PRPF31: variants seen among roughly 807,000 people sequenced by gnomAD.
PRPF31 encodes U4/U6 small nuclear ribonucleoprotein Prp31.
PRPF31 carries 12 observed loss-of-function variants against 60.4 expected under a neutral mutation model. The ratio of observed to expected loss-of-function variants is 0.20; its 90% CI spans 0.13 to 0.32. The LOEUF (loss-of-function observed/expected upper bound fraction) is 0.32. Ranked by LOEUF, PRPF31 falls within the 10% of genes least tolerant of loss-of-function variation. The pLI is 1.00. For synonymous variants in PRPF31, 287 were observed against 287.9 expected, an observed-to-expected ratio of 1.00 and a Z score of 0.03; for missense variants, 431 against 687.1, an observed-to-expected ratio of 0.63 and a Z score of 4.17.
chr19:54,118,287 G>C lies in PRPF31; in HGVS notation c.9G>C (p.Leu3=). Residue 3 remains leucine, a synonymous_variant, in exon 2 of 14, where the codon CTG becomes CTC. Coordinates refer to ENST00000321030, the MANE Select transcript of PRPF31 (RefSeq NM_015629.4). ...CCTCCCCAGGCCTCGGGATGTCTCTGGCAGATGAGCTCTTAGCTGATCTCG... is the reference window on the plus strand; with the variant it reads ...CCTCCCCAGGCCTCGGGATGTCTCTCGCAGATGAGCTCTTAGCTGATCTCG... MS[L]ADELLADLEE... 1 of 1,613,130 alleles carries C rather than the reference G, an allele frequency of 6.2e-7. No individual in the cohort carries two copies. Among genetic ancestry groups the C allele is most frequent in the South Asian group, 1.1e-5 (1 of 91,026 alleles).
At chr19:54,123,278 G>A (rs2073837933) in intron 5 of PRPF31, 176 bp from the exon 6 acceptor site, 2 of 664,218 alleles carry the variant, frequency 3.0e-6, no homozygotes, top group Non-Finnish European at 5.4e-6. Context: ...GCTTGACGTG[G>A]TGGAGGCAGG....
chr19:54,122,048 C>G (rs2073804611), intron 4 of PRPF31, 105 bp downstream of exon 4: 2 of 1,234,744 alleles, frequency 1.6e-6, no homozygotes, highest in Non-Finnish European at 2.3e-6. Context: ...AGCCCAAGCT[C>G]AGATCGAGGT....
chr19:54,128,502 T>TG (rs2073975652), intron 11 of PRPF31, 125 bp downstream of exon 11: 1 of 814,584 alleles, frequency 1.2e-6, no homozygotes, highest in African/African-American at 2.0e-5. Flanking sequence ...TGCCCCAGCC[T>TG]CCCCCCCCCC....
At position 54,126,528 on chromosome 19, in the gene PRPF31, G is replaced by C. The variant is rs1366556247; in HGVS notation, c.856G>C (p.Asp286His). ...HSDIVQSLPP[D>H]LRRKAARLVA... The stretch of plus-strand genomic sequence containing the variant: ...CCACCCCCGTTTTCCGTTGCTCCAG[G>C]ATCTGCGGCGGAAAGCGGCCCGGCT... Residue 286 changes from aspartate to histidine, a missense_variant and splice_region_variant, in exon 9 of 14, where the codon GAT (aspartate) becomes CAT (histidine). Around this residue, in one of 4 missense-constraint regions of PRPF31, gnomAD observed 314 missense variants for 475.3 expected, o/e 0.66. Transcript: ENST00000321030. 7.4e-6 allele frequency: 12 copies of C among 1,612,906 alleles called. No homozygotes were observed. Among genetic ancestry groups the C allele is most frequent in the Non-Finnish European group, 1.0e-5 (12 of 1,179,620 alleles).
At chr19:54,130,864 A>G (rs587675844) in intron 13 of PRPF31, among the ~76,000 whole-genome samples, 49 of 152,214 alleles carry the variant, frequency 3.2e-4, no homozygotes, top group South Asian at 2.3e-3. Flanking sequence ...GGGTCCTGTT[A>G]TTATTTTTAG....
intron 13 of PRPF31, among the ~76,000 whole-genome samples, chr19:54,129,908 G>A (rs115600395): frequency 0.016 from 2,445 of 152,138 alleles, 69 homozygotes; most frequent in African/African-American, 0.056. Flanking sequence ...CCCAGTCAGC[G>A]GGTGTCTACG....
intron 8 of PRPF31, chr19:54,125,431 G>C (rs1425442906): frequency 6.5e-6 from 1 of 152,770 alleles, no homozygotes; most frequent in African/African-American, 2.4e-5. Flanking sequence ...AGGAGGTGGA[G>C]GTTGCAGTGA....
intron 13 of PRPF31, among the ~76,000 whole-genome samples, chr19:54,129,856 C>T (rs1018280723): frequency 2.6e-5 from 4 of 151,790 alleles, no homozygotes; most frequent in African/African-American, 9.7e-5. Context: ...CAGAGCAGGG[C>T]GAGCCTGCAC....
At chr19:54,118,682 A>G (rs2146394530) in intron 3 of PRPF31, 49 bp downstream of exon 3, 1 of 1,596,110 alleles carries the variant, frequency 6.3e-7, no homozygotes, top group South Asian at 1.1e-5. Flanking sequence ...CTCTCCTGCC[A>G]GGCCCCCTGG....
chr19:54,125,866 A>T (rs1242433375), intron 8 of PRPF31, among the ~76,000 whole-genome samples: 5 of 152,146 alleles, frequency 3.3e-5, no homozygotes, highest in Admixed American at 3.3e-4. Context: ...CACCCCTGCC[A>T]TCGCCACCGC....
intron 3 of PRPF31, 105 bp downstream of exon 3, chr19:54,118,738 C>A: frequency 8.9e-7 from 1 of 1,128,626 alleles, no homozygotes; most frequent in Non-Finnish European, 1.3e-6. Flanking sequence ...TCAGCCTTTT[C>A]CAGAGCCTTC....
At position 54,126,549 on chromosome 19, in the gene PRPF31, C is replaced by G. The variant is rs1230858435; in HGVS notation, c.877C>G (p.Arg293Gly). The change falls in exon 9 of 14, where the codon CGG becomes GGG. Residue 293 changes from arginine (R) to glycine (G), a missense_variant. Coordinates refer to ENST00000321030, the MANE Select transcript of PRPF31 (RefSeq NM_015629.4). ...CCAGGATCTGCGGCGGAAAGCGGCC[C>G]GGCTGGTGGCCGCCAAGTGCACACT... The part of the protein sequence containing the change: ...LPPDLRRKAA[R>G]LVAAKCTLAA... 1.2e-6 allele frequency: 2 copies of G among 1,612,974 alleles called. No homozygotes were observed. Among genetic ancestry groups the G allele is most frequent in the Admixed American group, 3.3e-5 (2 of 59,932 alleles).
intron 8 of PRPF31, among the ~76,000 whole-genome samples, chr19:54,125,645 T>C (rs1358021948): frequency 1.3e-5 from 2 of 152,170 alleles, no homozygotes; most frequent in African/African-American, 4.8e-5. Flanking sequence ...ATAGCACTGA[T>C]GGCCAAGGCT....
rs1355603665 is a variant in PRPF31, at chr19:54,123,726, G to A, written c.528-23G>A. On this transcript the variant is annotated intron_variant, in intron 6 of 13. Transcript: ENST00000321030. ...ACCAGGCAGGCGGGAGACCCAGGAG[G>A]CTGGGCCCACCCGCCCCTGCAGGCA... is the stretch of plus-strand genomic sequence containing the variant. The A allele has an allele frequency of 3.1e-6, 5 of 1,600,584 alleles. No homozygotes were observed. The South Asian group carries it at 3.3e-5, about 11-fold the overall frequency.
At chr19:54,124,720 G>T in intron 8 of PRPF31, 64 bp downstream of exon 8, 1 of 1,554,558 alleles carries the variant, frequency 6.4e-7, no homozygotes, top group Non-Finnish European at 8.8e-7. Context: ...TGCCCAGACA[G>T]CCTGAGCAGC....
At position 54,124,568 on chromosome 19, in the gene PRPF31, G is replaced by A. The variant is rs372827141; in HGVS notation, c.767G>A (p.Arg256His). The A allele has an allele frequency of 2.4e-5, 39 of 1,612,894 alleles. No homozygotes were observed. The highest frequency in any genetic ancestry group is 3.0e-5 in the Non-Finnish European group (35 of 1,179,896). Residue 256 changes from arginine (R) to histidine (H), a missense_variant, in exon 8 of 14, where the codon CGC (arginine) becomes CAC (histidine). By Grantham distance (29) the Arg-to-His change is conservative. Around this residue, in one of 4 missense-constraint regions of PRPF31, gnomAD observed 314 missense variants for 475.3 expected, o/e 0.66. Coordinates refer to ENST00000321030, the MANE Select transcript of PRPF31 (RefSeq NM_015629.4). ...AACATCATGCTGCTCGGGGCCCAGC[G>A]CAAGACGCTGTCGGGCTTCTCGTCT... Reference protein sequence around the residue: ...ACNIMLLGAQRKTLSGFSSTS... With the variant: ...ACNIMLLGAQHKTLSGFSSTS...
At chr19:54,126,420 C>T in intron 8 of PRPF31, 108 bp from the exon 9 acceptor site, 1 of 1,060,912 alleles carries the variant, frequency 9.4e-7, no homozygotes. Context: ...GGAAAGCCCC[C>T]TTCCAGGACC....
chr19:54,122,209 C>A, intron 4 of PRPF31: 1 of 622,896 alleles, frequency 1.6e-6, no homozygotes, highest in Non-Finnish European at 2.9e-6. Flanking sequence ...CCTCACGGTG[C>A]GAGGTGACTG....
rs75624187 is a variant in PRPF31 at position 54,131,604 on chromosome 19, C to G, written c.*172C>G. ...AGTCCGGCCTGGCCTCCCCCAGGACCGAGATCACCGCCCAGTATGGGCTAG... is the reference window on the plus strand; with the variant it reads ...AGTCCGGCCTGGCCTCCCCCAGGACGGAGATCACCGCCCAGTATGGGCTAG... On this transcript the variant is annotated 3_prime_UTR_variant, in exon 14 of 14. Transcript: ENST00000321030. The G allele has an allele frequency of 1.1e-5, 10 of 936,928 alleles. No homozygotes were observed. Among genetic ancestry groups the G allele is most frequent in the Admixed American group, 8.2e-5 (4 of 48,790 alleles). 58.0% of individuals were successfully genotyped at this position (936,928 alleles called of 1,614,324 possible). A position where few individuals can be genotyped will look rare whatever the true frequency, so the allele number is the denominator to read the frequency against.
Sources: gnomAD v4.1 joint callset for allele counts (sites outside exome capture counted in the v4.1 genomes callset) on GRCh38, gnomAD v4.1.1 for gene constraint, gnomAD v4.1.1 regional missense constraint, MANE v1.5 for transcripts, NCBI Gene and HGNC (gene_info 2026-07-23, HGNC 2026-07-21) for gene names.